The following CLASP2 variants were observed in gnomAD, a reference collection of about 807,000 sequenced individuals.
CLASP2 encodes CLIP-associating protein 2.
Under a neutral mutation model 194.4 loss-of-function variants are expected in CLASP2, and 47 were observed. The ratio of observed to expected loss-of-function variants is 0.24; its 90% CI spans 0.19 to 0.31. CLASP2 has a LOEUF of 0.31. Among genes scored for constraint, CLASP2 ranks in the 10% least tolerant of loss-of-function variants. The pLI is 1.00. For missense variants in CLASP2, 1,445 were observed against 1,823.6 expected, an observed-to-expected ratio of 0.79 and a Z score of 3.78; for synonymous variants, 619 against 633.5, an observed-to-expected ratio of 0.98 and a Z score of 0.34.
At chr3:33,684,689 C>A (rs1173274994) in intron 5 of CLASP2, among the ~76,000 whole-genome samples, 1 of 152,102 alleles carries the variant, frequency 6.6e-6, no homozygotes, top group East Asian at 1.9e-4. Context: ...ATAAAAGTTA[C>A]TTATTAAGCT....
At position 33,696,615 on chromosome 3, in the gene CLASP2, G is replaced by C. The variant is rs139082382; in HGVS notation, c.274+240C>G. Among the ~76,000 whole-genome samples, 61 of 151,762 alleles carry C rather than the reference G, an allele frequency of 4.0e-4. 1 individual carries two copies. The East Asian group carries it at 0.012, about 29-fold the overall frequency. ...CAAGTAGCTGGGATTACAGGCACAC[G>C]CCATCACACCTGGCTAATTTTTGTA... is the stretch of plus-strand genomic sequence containing the variant. On this transcript the variant is annotated intron_variant, in intron 2 of 38. Transcript: ENST00000682230.
rs370502005 is a variant in CLASP2 at position 33,619,665 on chromosome 3, C to T, written c.1255G>A (p.Val419Ile). ...EAIVPTLFNL[V>I]PNSAKVMATS... ...GCCATGACTTTTGCACTATTGGGGACGAGATTAAAAAGTGTAGGTACAATG... is the reference window on the plus strand; with the variant it reads ...GCCATGACTTTTGCACTATTGGGGATGAGATTAAAAAGTGTAGGTACAATG... The change falls in exon 12 of 39, where the codon GTC becomes ATC. Residue 419 changes from valine (V) to isoleucine (I), a missense_variant. Transcript: ENST00000682230. 2.6e-6 allele frequency: 4 copies of T among 1,560,432 alleles called. No individual in the cohort carries two copies. Among genetic ancestry groups the T allele is most frequent in the Non-Finnish European group, 2.6e-6 (3 of 1,152,116 alleles).
intron 34 of CLASP2, among the ~76,000 whole-genome samples, chr3:33,525,458 C>A (rs1379668262): frequency 6.6e-6 from 1 of 152,088 alleles, no homozygotes. Flanking sequence ...ACTTGACCCA[C>A]AGAGAACAAA....
chr3:33,703,675 A>G (rs1031527045), intron 1 of CLASP2, among the ~76,000 whole-genome samples: 7 of 152,226 alleles, frequency 4.6e-5, no homozygotes, highest in Non-Finnish European at 8.8e-5. Flanking sequence ...TTGCAGAGGC[A>G]GGGTTTCACC....
At chr3:33,498,790 T>C (rs1415722532) in intron 38 of CLASP2, 73 bp from the exon 39 acceptor site, 2 of 867,696 alleles carry the variant, frequency 2.3e-6, no homozygotes, top group East Asian at 2.6e-5. Context: ...TAAAATATTA[T>C]ATACATATAT....
intron 1 of CLASP2, among the ~76,000 whole-genome samples, chr3:33,711,704 A>T (rs1473575545): frequency 6.6e-6 from 1 of 152,220 alleles, no homozygotes; most frequent in Non-Finnish European, 1.5e-5. Context: ...CCCATCAAAA[A>T]GTGGGCAAAG....
intron 13 of CLASP2, among the ~76,000 whole-genome samples, chr3:33,609,559 G>T (rs1171387999): frequency 1.3e-5 from 2 of 152,126 alleles, no homozygotes; most frequent in East Asian, 1.9e-4. Context: ...GCTCTGACCT[G>T]TATTTCTTCC....
chr3:33,673,461 A>G (rs1366060956), intron 6 of CLASP2, among the ~76,000 whole-genome samples: 3 of 152,212 alleles, frequency 2.0e-5, no homozygotes, highest in African/African-American at 7.2e-5. Flanking sequence ...ATGGAAAGGA[A>G]CAACCAGTAC....
At chr3:33,579,634 G>C (rs572646151) in intron 23 of CLASP2, among the ~76,000 whole-genome samples, 2 of 152,164 alleles carry the variant, frequency 1.3e-5, no homozygotes, top group Non-Finnish European at 2.9e-5. Context: ...TGATGACCAT[G>C]ATGACCATGA....
chr3:33,649,412 G>A (rs2082814676), intron 7 of CLASP2, among the ~76,000 whole-genome samples: 1 of 152,186 alleles, frequency 6.6e-6, no homozygotes, highest in Non-Finnish European at 1.5e-5. Flanking sequence ...TCTTCAACAT[G>A]TGGAACAATA....
chr3:33,631,969 T>C (rs1389782042), intron 9 of CLASP2, among the ~76,000 whole-genome samples: 1 of 152,210 alleles, frequency 6.6e-6, no homozygotes, highest in African/African-American at 2.4e-5. Context: ...TCCACTTTAC[T>C]TCAATTATAT....
At chr3:33,574,241 T>C (rs966398925) in intron 24 of CLASP2, among the ~76,000 whole-genome samples, 4 of 152,104 alleles carry the variant, frequency 2.6e-5, no homozygotes, top group African/African-American at 9.7e-5. Context: ...TAATTCAGTG[T>C]GAATGACCTC....
intron 6 of CLASP2, among the ~76,000 whole-genome samples, chr3:33,679,698 T>C (rs1040269393): frequency 6.6e-6 from 1 of 152,148 alleles, no homozygotes; most frequent in African/African-American, 2.4e-5. Flanking sequence ...TAAATACCTG[T>C]TAAAATGGCC....
intron 30 of CLASP2, chr3:33,545,153 C>T (rs2058960066): frequency 1.1e-5 from 2 of 174,276 alleles, no homozygotes; most frequent in African/African-American, 4.7e-5. Flanking sequence ...TTTAGTTTTC[C>T]TAATAAACGA....
rs549676046 is a variant in CLASP2 at position 33,675,582 on chromosome 3, G to C, written c.644+8777C>G. On this transcript the variant is annotated intron_variant, in intron 6 of 38. Coordinates refer to ENST00000682230, the MANE Select transcript of CLASP2 (RefSeq NM_001365631.1). The stretch of plus-strand genomic sequence containing the variant: ...ATTCAACATAGTGTTGGAAGTTCTG[G>C]CCAGGGCAATTAGGCAGGAGAAGGA... Among the ~76,000 whole-genome samples the C allele has an allele frequency of 1.5e-4, 22 of 149,544 alleles. No individual in the cohort carries two copies. The East Asian group carries it at 3.9e-3, about 27-fold the overall frequency.
intron 9 of CLASP2, among the ~76,000 whole-genome samples, chr3:33,631,861 AG>A (rs67899302): frequency 0.52 from 79,565 of 151,654 alleles, 22,101 homozygotes; most frequent in African/African-American, 0.69. Context: ...ATAAAAAAAA[AG>A]CACTGAGTAA....
intron 2 of CLASP2, among the ~76,000 whole-genome samples, chr3:33,694,623 G>T (rs1041485041): frequency 2.6e-5 from 4 of 152,104 alleles, no homozygotes; most frequent in Non-Finnish European, 5.9e-5. Context: ...TGGGGGTGGA[G>T]GAGGTTTTAC....
At chr3:33,566,082 T>C (rs2062690999) in intron 27 of CLASP2, among the ~76,000 whole-genome samples, 1 of 152,190 alleles carries the variant, frequency 6.6e-6, no homozygotes, top group Non-Finnish European at 1.5e-5. Flanking sequence ...TTGAAAGTTA[T>C]ATATAAAACA....
Position 33,592,475 on chromosome 3 carries a change from GA to G in CLASP2, c.1987del (p.Ser663GlnfsTer39). On this transcript the variant is annotated frameshift_variant, in exon 21 of 39. Transcript: ENST00000682230. LOFTEE classifies it high-confidence loss of function. Reference protein sequence around the residue: ...SEDGRVRAKLSAPLAGMGNAK... With the variant: ...SEDGRVRAKLXAPLAGMGNAK... ...ATTTCCCATGCCAGCAAGTGGTGCTGAAAGTTTTGCTCTCACCCGGCCTGAG... is the reference window on the plus strand; with the variant it reads ...ATTTCCCATGCCAGCAAGTGGTGCTGAAGTTTTGCTCTCACCCGGCCTGAG... 1 of 1,613,442 alleles carries G rather than the reference GA, an allele frequency of 6.2e-7. No homozygotes were observed. The highest frequency in any genetic ancestry group is 8.5e-7 in the Non-Finnish European group (1 of 1,179,622).
Sources: gnomAD v4.1 joint callset for allele counts (sites outside exome capture counted in the v4.1 genomes callset) on GRCh38, gnomAD v4.1.1 for gene constraint, MANE v1.5 for transcripts, NCBI Gene and HGNC (gene_info 2026-07-23, HGNC 2026-07-21) for gene names.